EXOC5: variants seen among roughly 807,000 people sequenced by gnomAD.
The protein encoded by EXOC5 is exocyst complex component 5, also known as SEC10-like 1.
A neutral mutation model predicts 90.8 loss-of-function variants in EXOC5; 17 were observed. The observed-to-expected ratio is 0.19, with a 90% CI of 0.13 to 0.28. The LOEUF (loss-of-function observed/expected upper bound fraction) is 0.28. EXOC5 is among the 10% of genes least tolerant of loss of function. The pLI, the probability that EXOC5 is intolerant of heterozygous loss-of-function variation, is 1.00. For synonymous variants in EXOC5, 260 were observed against 270.0 expected (o/e 0.96, Z 0.36); for missense variants, 569 against 830.6 (o/e 0.69, Z 3.87).
intron 3 of EXOC5, 60 bp from the exon 4 acceptor site, chr14:57,244,419 T>TGAGC: frequency 8.6e-7 from 1 of 1,157,442 alleles, no homozygotes; most frequent in Non-Finnish European, 1.3e-6. Flanking sequence ...TAATCTAAAC[T>TGAGC]ACTACTCTTA....
Position 57,237,376 on chromosome 14 carries a change from A to G in EXOC5, c.531-10T>C. On this transcript the variant is annotated splice_polypyrimidine_tract_variant and intron_variant, in intron 5 of 17. Transcript: ENST00000621441. ...TTTAACTTCTGAAAATCTGAAAGACAAAAACCAACCATGAGGTTTGTTAGT... is the reference window on the plus strand; with the variant it reads ...TTTAACTTCTGAAAATCTGAAAGACGAAAACCAACCATGAGGTTTGTTAGT... 3.3e-6 allele frequency: 5 copies of G among 1,520,850 alleles called. No individual in the cohort carries two copies. Among genetic ancestry groups the G allele is most frequent in the Non-Finnish European group, 4.5e-6 (5 of 1,119,854 alleles). 94.2% of individuals were successfully genotyped at this position (1,520,850 alleles called of 1,614,324 possible).
chr14:57,212,552 CT>C (rs1882860707), intron 15 of EXOC5, among the ~76,000 whole-genome samples: 2 of 152,218 alleles, frequency 1.3e-5, no homozygotes. Flanking sequence ...TAGGAGCCAT[CT>C]TATCACCTGT....
intron 1 of EXOC5, 198 bp downstream of exon 1, chr14:57,268,424 A>C (rs1594692630): frequency 8.4e-5 from 114 of 1,362,078 alleles, no homozygotes; most frequent in Non-Finnish European, 9.5e-5. Flanking sequence ...CGCCCAGCCC[A>C]CCTCGGCCCC....
At chr14:57,240,212 CT>C (rs57715659) in intron 4 of EXOC5, among the ~76,000 whole-genome samples, 33,444 of 137,628 alleles carry the variant, frequency 0.24, 8,877 homozygotes, top group African/African-American at 0.68. Context: ...TTCTTTCTGT[CT>C]TTTTTTTTTT....
chr14:57,231,719 T>C lies in EXOC5; in HGVS notation c.939-4A>G. The C allele has an allele frequency of 6.3e-7, 1 of 1,583,750 alleles. No individual in the cohort carries two copies. Among genetic ancestry groups the C allele is most frequent in the East Asian group, 2.2e-5 (1 of 44,648 alleles). On this transcript the variant is annotated splice_region_variant and splice_polypyrimidine_tract_variant and intron_variant, in intron 10 of 17. Coordinates refer to ENST00000621441, the MANE Select transcript of EXOC5 (RefSeq NM_006544.4). ...CTTGCTGGAAAGATTGGTGGTTCTT[T>C]TCATGAAAAAGGGGGAGAAAAAGAT...
In EXOC5 at chr14:57,228,011, TACACAC is replaced by T. The variant is rs60151728; in HGVS notation, c.1296+1717_1296+1722del. Among the ~76,000 whole-genome samples the T allele has an allele frequency of 1.6e-3, 232 of 144,238 alleles. 1 individual carries two copies. Among genetic ancestry groups the T allele is most frequent in the Middle Eastern group, 7.3e-3 (2 of 274 alleles). 94.6% of individuals were successfully genotyped at this position (144,238 alleles called of 152,430 possible). The stretch of plus-strand genomic sequence containing the variant: ...TACATACAAACAAGATATATATACA[TACACAC>T]ACACACACACACACACACTTAAAAT... On this transcript the variant is annotated intron_variant, in intron 12 of 17. Coordinates refer to ENST00000621441, the MANE Select transcript of EXOC5 (RefSeq NM_006544.4).
At chr14:57,258,669 A>G (rs1884417214) in intron 1 of EXOC5, among the ~76,000 whole-genome samples, 1 of 152,244 alleles carries the variant, frequency 6.6e-6, no homozygotes, top group African/African-American at 2.4e-5. Flanking sequence ...TACGTTATGC[A>G]CATGTATCCC....
intron 6 of EXOC5, among the ~76,000 whole-genome samples, chr14:57,236,477 G>T (rs1169117701): frequency 1.3e-5 from 2 of 151,516 alleles, no homozygotes; most frequent in African/African-American, 4.9e-5. Flanking sequence ...ATAGAGACGG[G>T]GTTTCACTAT....
intron 4 of EXOC5, among the ~76,000 whole-genome samples, chr14:57,241,454 A>C (rs1883855400): frequency 6.6e-6 from 1 of 152,162 alleles, no homozygotes; most frequent in African/African-American, 2.4e-5. Flanking sequence ...CTTCAGAAAT[A>C]ATATACTTGG....
At chr14:57,209,388 A>T (rs1882758113) in intron 17 of EXOC5, among the ~76,000 whole-genome samples, 179 bp downstream of exon 17, 1 of 151,984 alleles carries the variant, frequency 6.6e-6, no homozygotes, top group South Asian at 2.1e-4. Context: ...TTAAAATTTA[A>T]AATAAAAAAA....
chr14:57,267,476 C>A (rs1476653637), intron 1 of EXOC5, among the ~76,000 whole-genome samples: 1 of 152,190 alleles, frequency 6.6e-6, no homozygotes, highest in African/African-American at 2.4e-5. Flanking sequence ...ACAAAAACTG[C>A]TGAATCTTAC....
Position 57,208,401 on chromosome 14 carries a change from G to T in EXOC5, c.*208C>A. The T allele has an allele frequency of 2.5e-6, 1 of 399,782 alleles. No individual in the cohort carries two copies. Among genetic ancestry groups the T allele is most frequent in the Non-Finnish European group, 4.5e-6 (1 of 224,282 alleles). The allele number at this position is 399,782 out of a possible 1,614,324, so 24.8% of individuals were successfully genotyped here. On this transcript the variant is annotated 3_prime_UTR_variant, in exon 18 of 18. Coordinates refer to ENST00000621441, the MANE Select transcript of EXOC5 (RefSeq NM_006544.4). ...ATGGAATTAAAATTCAATGTGAGGG[G>T]AAAAAAGCAAAATATAGCTAGTGGT...
chr14:57,219,104 T>C (rs1203226418), intron 14 of EXOC5, among the ~76,000 whole-genome samples: 1 of 151,996 alleles, frequency 6.6e-6, no homozygotes, highest in Non-Finnish European at 1.5e-5. Flanking sequence ...TACACCAAAA[T>C]TAATAATATA....
chr14:57,217,751 T>A (rs1270754381), intron 15 of EXOC5, among the ~76,000 whole-genome samples: 1 of 152,060 alleles, frequency 6.6e-6, no homozygotes, highest in African/African-American at 2.4e-5. Context: ...ATGATTAAGC[T>A]TAGTGAGGAA....
chr14:57,242,849 T>C (rs1883911956), intron 4 of EXOC5, among the ~76,000 whole-genome samples: 1 of 152,182 alleles, frequency 6.6e-6, no homozygotes, highest in Non-Finnish European at 1.5e-5. Flanking sequence ...CCAACCTAAG[T>C]GCCCATCAAC....
Position 57,208,059 on chromosome 14 carries a change from C to T in EXOC5, c.*550G>A, listed in dbSNP as rs1476748651. 2 of 152,162 alleles carry T rather than the reference C, an allele frequency of 1.3e-5. No homozygotes were observed. Among genetic ancestry groups the T allele is most frequent in the African/African-American group, 4.8e-5 (2 of 41,428 alleles). 9.4% of individuals were successfully genotyped at this position (152,162 alleles called of 1,614,324 possible). A position where few individuals can be genotyped will look rare whatever the true frequency, so the allele number is the denominator to read the frequency against. Reference sequence around the variant, plus strand: ...GCTGTACCTCAGAAAAAAATCCAATCAACCAACTGCAGAAAGTATGCTTAA... The same window carrying T: ...GCTGTACCTCAGAAAAAAATCCAATTAACCAACTGCAGAAAGTATGCTTAA... On this transcript the variant is annotated 3_prime_UTR_variant, in exon 18 of 18. Coordinates refer to ENST00000621441, the MANE Select transcript of EXOC5 (RefSeq NM_006544.4).
chr14:57,214,527 G>A (rs1179748886), intron 15 of EXOC5, among the ~76,000 whole-genome samples: 1 of 152,110 alleles, frequency 6.6e-6, no homozygotes, highest in African/African-American at 2.4e-5. Flanking sequence ...AAACAGGTAG[G>A]AGCAACACTG....
At chr14:57,264,553 T>C (rs184859637) in intron 1 of EXOC5, among the ~76,000 whole-genome samples, 1 of 152,154 alleles carries the variant, frequency 6.6e-6, no homozygotes, top group Non-Finnish European at 1.5e-5. Flanking sequence ...CCTCCAAAAT[T>C]AAACCCCGAT....
chr14:57,239,462 A>G (rs1417517759), intron 5 of EXOC5, 133 bp downstream of exon 5: 3 of 612,958 alleles, frequency 4.9e-6, no homozygotes, highest in Non-Finnish European at 8.6e-6. Flanking sequence ...TAAACTAGCA[A>G]GTAAATGAAC....
Sources: gnomAD v4.1 joint callset for allele counts (sites outside exome capture counted in the v4.1 genomes callset) on GRCh38, gnomAD v4.1.1 for gene constraint, MANE v1.5 for transcripts, NCBI Gene and HGNC (gene_info 2026-07-23, HGNC 2026-07-21) for gene names.